PLEKHA5: variants seen among roughly 807,000 people sequenced by gnomAD.
PLEKHA5 encodes pleckstrin homology domain containing A5.
In PLEKHA5, 55 loss-of-function variants were observed where a neutral mutation model predicts 181.9. That is an observed-to-expected ratio of 0.30 (90% CI 0.24 to 0.38). The LOEUF is 0.38. Ranked by LOEUF, PLEKHA5 falls within the 10% of genes least tolerant of loss-of-function variation. The pLI is 1.00. For missense variants in PLEKHA5, 1,432 were observed against 1,549.5 expected (o/e 0.92, Z 1.27); for synonymous variants, 535 against 529.4 (o/e 1.01, Z -0.15).
intron 11 of PLEKHA5, 109 bp downstream of exon 11, chr12:19,275,092 G>C: frequency 1.5e-6 from 1 of 669,150 alleles, no homozygotes; most frequent in South Asian, 1.9e-5. Context: ...TGTTTTAGCT[G>C]TTATAGCTTC....
intron 3 of PLEKHA5, chr12:19,151,047 T>A (rs1208459377): frequency 2.0e-5 from 3 of 152,162 alleles, no homozygotes; most frequent in Admixed American, 6.5e-5. Flanking sequence ...AAGTCATGAT[T>A]TTAGATGTGC....
chr12:19,366,418 G>GC (rs1235423897), intron 30 of PLEKHA5, among the ~76,000 whole-genome samples: 2 of 152,106 alleles, frequency 1.3e-5, no homozygotes, highest in African/African-American at 4.8e-5. Context: ...ATTTTGGGAG[G>GC]CCGAGGCAGG....
At position 19,157,097 on chromosome 12, in the gene PLEKHA5, TACACACACAC is replaced by T. The variant is rs3056384; in HGVS notation, c.227+24668_227+24677del. The stretch of plus-strand genomic sequence containing the variant: ...TATGGTTTTTATATCTATATGTACA[TACACACACAC>T]ACACACACACACACACACACGGAGC... On this transcript the variant is annotated intron_variant, in intron 3 of 31. Coordinates refer to ENST00000429027, the MANE Select transcript of PLEKHA5 (RefSeq NM_001256470.2). 2.2e-3 allele frequency among the ~76,000 whole-genome samples: 317 copies of T among 143,292 alleles called. 2 individuals carry two copies. The highest frequency in any genetic ancestry group is 7.7e-3 in the African/African-American group (294 of 38,276). 94.0% of individuals were successfully genotyped at this position (143,292 alleles called of 152,430 possible).
intron 21 of PLEKHA5, among the ~76,000 whole-genome samples, chr12:19,340,408 G>T (rs796188983): frequency 8.8e-6 from 1 of 114,054 alleles, no homozygotes; most frequent in Non-Finnish European, 2.1e-5. Flanking sequence ...CCGTCCGGGA[G>T]GTGAGGGGCG....
chr12:19,171,329 T>A (rs2045843804), intron 3 of PLEKHA5, among the ~76,000 whole-genome samples: 1 of 152,106 alleles, frequency 6.6e-6, no homozygotes, highest in Admixed American at 6.5e-5. Flanking sequence ...CTGGGAAGAT[T>A]TTAATGTTTC....
intron 3 of PLEKHA5, among the ~76,000 whole-genome samples, chr12:19,138,706 T>C (rs962627854): frequency 1.3e-5 from 2 of 152,104 alleles, no homozygotes; most frequent in Non-Finnish European, 2.9e-5. Context: ...TAGATGGGAT[T>C]CACTTTCAGA....
At chr12:19,200,794 G>T in intron 3 of PLEKHA5, 2 of 535,858 alleles carry the variant, frequency 3.7e-6, no homozygotes, top group Non-Finnish European at 4.8e-6. Context: ...TAATTAGATA[G>T]ATAGCTATAT....
At chr12:19,232,858 G>C (rs2060840204) in intron 3 of PLEKHA5, among the ~76,000 whole-genome samples, 1 of 152,100 alleles carries the variant, frequency 6.6e-6, no homozygotes, top group African/African-American at 2.4e-5. Context: ...TGACTAGACT[G>C]ACATTGTGTT....
At chr12:19,246,387 T>C (rs7961564) in intron 3 of PLEKHA5, among the ~76,000 whole-genome samples, 127,992 of 151,498 alleles carry the variant, frequency 0.84, 55,542 homozygotes, top group Non-Finnish European at 0.96. Context: ...CACTTTGGGA[T>C]GCTGAGGTGG....
chr12:19,367,781 G>A (rs2095472248), intron 30 of PLEKHA5, among the ~76,000 whole-genome samples: 1 of 150,692 alleles, frequency 6.6e-6, no homozygotes, highest in Non-Finnish European at 1.5e-5. Flanking sequence ...GTAGAGATAG[G>A]GTTTCACTGT....
At chr12:19,163,872 A>G (rs1398909250) in intron 3 of PLEKHA5, among the ~76,000 whole-genome samples, 1 of 152,126 alleles carries the variant, frequency 6.6e-6, no homozygotes, top group Non-Finnish European at 1.5e-5. Context: ...AATAGAGAAA[A>G]GTTGGCTGAC....
intron 3 of PLEKHA5, among the ~76,000 whole-genome samples, chr12:19,178,735 C>T (rs967167844): frequency 1.3e-5 from 2 of 152,146 alleles, no homozygotes; most frequent in African/African-American, 4.8e-5. Flanking sequence ...GTCTGCCTTA[C>T]TGGGCGTTAG....
chr12:19,164,180 G>T (rs190092175), intron 3 of PLEKHA5, among the ~76,000 whole-genome samples: 33 of 145,968 alleles, frequency 2.3e-4, no homozygotes, highest in African/African-American at 8.0e-4. Context: ...CCCACTTCTT[G>T]CTCTCCAGAT....
chr12:19,148,988 G>A (rs1197112686), intron 3 of PLEKHA5, among the ~76,000 whole-genome samples: 1 of 152,058 alleles, frequency 6.6e-6, no homozygotes, highest in East Asian at 1.9e-4. Flanking sequence ...CATTATTATT[G>A]GTAGTAGAAG....
At chr12:19,215,365 A>G (rs1047156104) in intron 3 of PLEKHA5, among the ~76,000 whole-genome samples, 1 of 152,198 alleles carries the variant, frequency 6.6e-6, no homozygotes. Context: ...TAGAATCCAG[A>G]CGCTGAGTAA....
chr12:19,230,427 A>G (rs558299495), intron 3 of PLEKHA5, among the ~76,000 whole-genome samples: 129 of 152,138 alleles, frequency 8.5e-4, no homozygotes, highest in African/African-American at 3.0e-3. Context: ...CTCGTCGGGG[A>G]GGCTTGGGCC....
In PLEKHA5 at chr12:19,314,856, A is replaced by C; in HGVS notation, c.2080A>C (p.Ile694Leu). 1 of 1,548,950 alleles carries C rather than the reference A, an allele frequency of 6.5e-7. No individual in the cohort carries two copies. Among genetic ancestry groups the C allele is most frequent in the Non-Finnish European group, 8.7e-7 (1 of 1,144,604 alleles). Residue 694 changes from isoleucine (I) to leucine (L), a missense_variant, in exon 16 of 32, where the codon ATT becomes CTT. Around this residue, in one of 2 missense-constraint regions of PLEKHA5, gnomAD observed 1,143 missense variants for 1,168.4 expected, o/e 0.98. Coordinates refer to ENST00000429027, the MANE Select transcript of PLEKHA5 (RefSeq NM_001256470.2). ...TATTATCACCATGGTTCACACAATG[A>C]TTGAGAACTCGGCGCTAAGACCCCA... ...EPIITMVHTM[I>L]ENSALRPQLY...
In PLEKHA5 at chr12:19,208,407, CA is replaced by C. The variant is rs35439122; in HGVS notation, c.228-45519del. ...GGGCAACAGAGCAAAAACTCTGTCT[CA>C]AAAAAAAAAAAAAGTTCATTTTTTC... On this transcript the variant is annotated intron_variant, in intron 3 of 31. Coordinates refer to ENST00000429027, the MANE Select transcript of PLEKHA5 (RefSeq NM_001256470.2). Among the ~76,000 whole-genome samples, 106 of 72,558 alleles carry C rather than the reference CA, an allele frequency of 1.5e-3. No homozygotes were observed. In the East Asian group the frequency reaches 0.017, roughly 11 times the overall value. The allele number at this position is 72,558 out of a possible 152,430, so 47.6% of individuals were successfully genotyped here.
intron 15 of PLEKHA5, among the ~76,000 whole-genome samples, chr12:19,297,366 T>C (rs998419877): frequency 2.0e-5 from 3 of 151,488 alleles, no homozygotes; most frequent in Admixed American, 2.0e-4. Flanking sequence ...CTCACGCCTG[T>C]AATCCCAGCA....
Sources: allele counts gnomAD v4.1 joint callset (sites outside exome capture counted in the v4.1 genomes callset), GRCh38; gene constraint gnomAD v4.1.1; regional missense constraint gnomAD v4.1.1; transcripts MANE v1.5; gene names NCBI Gene and HGNC (gene_info 2026-07-23, HGNC 2026-07-21).